CHD6: variants seen among roughly 807,000 people sequenced by gnomAD.
CHD6 encodes the protein chromodomain helicase DNA binding protein 6.
In CHD6, 50 loss-of-function variants were observed where a neutral mutation model predicts 276.9. The ratio of observed to expected loss-of-function variants is 0.18; its 90% CI spans 0.14 to 0.23. The LOEUF is 0.23. Ranked by LOEUF, CHD6 falls within the 10% of genes least tolerant of loss-of-function variation. The pLI is 1.00. For missense variants in CHD6, 2,564 were observed against 3,365.8 expected, an observed-to-expected ratio of 0.76 and a Z score of 5.89; for synonymous variants, 1,173 against 1,229.3, an observed-to-expected ratio of 0.95 and a Z score of 0.96.
At chr20:41,431,075 C>T (rs1383913792) in intron 27 of CHD6, among the ~76,000 whole-genome samples, 2 of 152,040 alleles carry the variant, frequency 1.3e-5, no homozygotes, top group Non-Finnish European at 2.9e-5. Context: ...CCTCGTGATC[C>T]ACCCGCCTCA....
intron 3 of CHD6, among the ~76,000 whole-genome samples, chr20:41,520,877 G>T (rs1329633901): frequency 6.6e-6 from 1 of 152,008 alleles, no homozygotes; most frequent in East Asian, 1.9e-4. Flanking sequence ...AGATATTTAA[G>T]TGAAAAAGGC....
intron 17 of CHD6, among the ~76,000 whole-genome samples, chr20:41,463,378 T>A (rs73611280): frequency 0.021 from 3,272 of 152,304 alleles, 44 homozygotes; most frequent in South Asian, 0.04. Flanking sequence ...ACAGGTACAG[T>A]TCCAATTTAT....
chr20:41,564,309 T>G (rs2045332783), intron 1 of CHD6, among the ~76,000 whole-genome samples: 1 of 152,204 alleles, frequency 6.6e-6, no homozygotes, highest in South Asian at 2.1e-4. Context: ...ACTCCCAATG[T>G]AAACTCCCTC....
intron 10 of CHD6, 21 bp from the exon 11 acceptor site, chr20:41,491,840 C>A (rs963875448): frequency 6.2e-7 from 1 of 1,613,070 alleles, no homozygotes; most frequent in African/African-American, 1.3e-5. Context: ...AAGCAAACAG[C>A]ATAATAGATA....
intron 1 of CHD6, among the ~76,000 whole-genome samples, chr20:41,575,088 A>G (rs2045460020): frequency 6.6e-6 from 1 of 152,206 alleles, no homozygotes; most frequent in South Asian, 2.1e-4. Flanking sequence ...CTCTGATTGC[A>G]GGCCACTACT....
chr20:41,539,239 C>G, intron 2 of CHD6, among the ~76,000 whole-genome samples: 1 of 152,182 alleles, frequency 6.6e-6, no homozygotes, highest in African/African-American at 2.4e-5. Flanking sequence ...GTGTGCTGCT[C>G]TCTTCTCTCT....
chr20:41,495,693 T>C (rs1356882547), intron 8 of CHD6, among the ~76,000 whole-genome samples: 1 of 152,242 alleles, frequency 6.6e-6, no homozygotes, highest in Non-Finnish European at 1.5e-5. Context: ...TTGACTATAG[T>C]GGTTATTTCA....
chr20:41,543,418 A>G (rs1450672486), intron 2 of CHD6, among the ~76,000 whole-genome samples: 1 of 151,930 alleles, frequency 6.6e-6, no homozygotes, highest in Non-Finnish European at 1.5e-5. Flanking sequence ...CCTCTAACCA[A>G]CCTCTATTTT....
At chr20:41,435,685 C>T (rs2047685050) in intron 27 of CHD6, among the ~76,000 whole-genome samples, 1 of 151,340 alleles carries the variant, frequency 6.6e-6, no homozygotes, top group Non-Finnish European at 1.5e-5. Context: ...GATGTCAATT[C>T]TCCCCAAAGA....
chr20:41,606,476 T>G (rs894485717), intron 1 of CHD6, among the ~76,000 whole-genome samples: 2 of 152,020 alleles, frequency 1.3e-5, no homozygotes, highest in African/African-American at 2.4e-5. Context: ...ATCGTGCCAC[T>G]GCACTCCAGC....
At chr20:41,414,404 A>T (rs2145415987) in intron 34 of CHD6, 1 of 155,014 alleles carries the variant, frequency 6.5e-6, no homozygotes, top group South Asian at 2.1e-4. Context: ...CAAACAAGAT[A>T]ATCATGTAAA....
chr20:41,589,524 A>T (rs2045633033), intron 1 of CHD6, among the ~76,000 whole-genome samples: 1 of 152,260 alleles, frequency 6.6e-6, no homozygotes, highest in Non-Finnish European at 1.5e-5. Flanking sequence ...GCAAAGTCGC[A>T]GGATAGAAAA....
chr20:41,469,010 G>C (rs2042992909), intron 17 of CHD6, among the ~76,000 whole-genome samples: 1 of 152,196 alleles, frequency 6.6e-6, no homozygotes, highest in South Asian at 2.1e-4. Flanking sequence ...ATAAAATTAG[G>C]TAAGAAATAG....
At chr20:41,563,228 C>T (rs926815531) in intron 1 of CHD6, among the ~76,000 whole-genome samples, 2 of 152,176 alleles carry the variant, frequency 1.3e-5, no homozygotes, top group Non-Finnish European at 2.9e-5. Flanking sequence ...ACTCTCACTA[C>T]TGAACCAAGA....
intron 1 of CHD6, among the ~76,000 whole-genome samples, chr20:41,600,647 C>T (rs2045764512): frequency 6.6e-6 from 1 of 152,174 alleles, no homozygotes; most frequent in Non-Finnish European, 1.5e-5. Flanking sequence ...AACCCCCATC[C>T]AAACATCAAT....
chr20:41,566,483 A>G (rs1039499830), intron 1 of CHD6, among the ~76,000 whole-genome samples: 7 of 152,164 alleles, frequency 4.6e-5, no homozygotes, highest in African/African-American at 9.7e-5. Flanking sequence ...AAGACCTCCA[A>G]TGGTCTATCC....
Position 41,473,583 on chromosome 20 carries a change from A to C in CHD6, c.2469-66T>G. The C allele has an allele frequency of 7.4e-7, 1 of 1,350,802 alleles. No individual in the cohort carries two copies. Among genetic ancestry groups the C allele is most frequent in the Non-Finnish European group, 1.0e-6 (1 of 953,252 alleles). The allele number at this position is 1,350,802 out of a possible 1,614,324, so 83.7% of individuals were successfully genotyped here. On this transcript the variant is annotated intron_variant, in intron 16 of 36. Coordinates refer to ENST00000373233, the MANE Select transcript of CHD6 (RefSeq NM_032221.5). This position sits in a 1 kb window ranked among gnomAD's most constrained non-coding sequence, Gnocchi z 4.1. ...TGACTTCAATGGAGAACAGCACAAAATGCAGGAAGCTGTCGACTGATGGCC... is the reference window on the plus strand; with the variant it reads ...TGACTTCAATGGAGAACAGCACAAACTGCAGGAAGCTGTCGACTGATGGCC...
intron 1 of CHD6, among the ~76,000 whole-genome samples, chr20:41,610,108 C>T (rs1288802495): frequency 6.6e-6 from 1 of 152,116 alleles, no homozygotes; most frequent in Non-Finnish European, 1.5e-5. Flanking sequence ...CTGCCCACCT[C>T]ACCTCCCAAA....
At chr20:41,433,857 A>G (rs1282079509) in intron 27 of CHD6, among the ~76,000 whole-genome samples, 1 of 152,192 alleles carries the variant, frequency 6.6e-6, no homozygotes, top group Non-Finnish European at 1.5e-5. Context: ...TCCACACTTC[A>G]CTTAAGCTGA....
Sources: allele counts gnomAD v4.1 joint callset (sites outside exome capture counted in the v4.1 genomes callset), GRCh38; gene constraint gnomAD v4.1.1; non-coding constraint Gnocchi (gnomAD v3.1); transcripts MANE v1.5; gene names NCBI Gene and HGNC (gene_info 2026-07-23, HGNC 2026-07-21).